Variants in NFIB observed in about 807,000 individuals in gnomAD.
The protein encoded by NFIB is nuclear factor I B, also known as nuclear factor 1 B-type.
A neutral mutation model predicts 61.5 loss-of-function variants in NFIB; 11 were observed. The observed-to-expected ratio is 0.18, with a 90% confidence interval of 0.11 to 0.30. The LOEUF is 0.30. Ranked by LOEUF, NFIB falls within the 10% of genes least tolerant of loss-of-function variation. The pLI is 1.00. For synonymous variants in NFIB, 260 were observed against 216.5 expected (o/e 1.20, Z -1.76); for missense variants, 471 against 608.9 (o/e 0.77, Z 2.38).
chr9:14,490,404 GA>G, the NFIB span, among the ~76,000 whole-genome samples: 1 of 152,020 alleles, frequency 6.6e-6, no homozygotes, highest in Non-Finnish European at 1.5e-5. Context: ...TCTCGAAGTA[GA>G]AAAACATTTC....
chr9:14,328,931 G>T (rs1238980660), intron 1 of NFIB, among the ~76,000 whole-genome samples: 1 of 152,126 alleles, frequency 6.6e-6, no homozygotes, highest in African/African-American at 2.4e-5. Flanking sequence ...GAAAAATCTA[G>T]ATATTTTGCT....
At chr9:14,185,024 GCTCTGTAATGCTTATTAAATT>G (rs1027600601) in intron 2 of NFIB, among the ~76,000 whole-genome samples, 2 of 152,054 alleles carry the variant, frequency 1.3e-5, no homozygotes. Context: ...CACAGTAGGT[GCTCTGTAATGCTTATTAAATT>G]TATATTTAAT....
intron 1 of NFIB, among the ~76,000 whole-genome samples, chr9:14,364,387 C>G (rs2061275777): frequency 6.6e-6 from 1 of 152,168 alleles, no homozygotes; most frequent in African/African-American, 2.4e-5. Context: ...GCCAACTGCC[C>G]AGACAGACAT....
chr9:14,262,795 T>C (rs760033803), intron 2 of NFIB, among the ~76,000 whole-genome samples: 6 of 152,160 alleles, frequency 3.9e-5, no homozygotes, highest in Non-Finnish European at 7.3e-5. Context: ...TGTTTGTTTG[T>C]TTTTTGTTGT....
In NFIB at chr9:14,152,446, A is replaced by G. The variant is rs968625504; in HGVS notation, c.686-2181T>C. On this transcript the variant is annotated intron_variant, in intron 4 of 10. Transcript: ENST00000380953. ...TTCTATATGACACTGGAAGTGGGGT[A>G]CATGCTAGAAGGAGTATTTCAGGGG... is the stretch of plus-strand genomic sequence containing the variant. 5.3e-5 allele frequency among the ~76,000 whole-genome samples: 8 copies of G among 152,256 alleles called. No individual in the cohort carries two copies. In the East Asian group the frequency reaches 9.6e-4, roughly 18 times the overall value.
At chr9:14,215,938 G>A (rs2050807918) in intron 2 of NFIB, among the ~76,000 whole-genome samples, 1 of 152,144 alleles carries the variant, frequency 6.6e-6, no homozygotes, top group Admixed American at 6.6e-5. Context: ...TAACTGAATT[G>A]CTTTATGTAA....
At chr9:14,170,524 C>G (rs2045453170) in intron 3 of NFIB, among the ~76,000 whole-genome samples, 1 of 152,146 alleles carries the variant, frequency 6.6e-6, no homozygotes, top group African/African-American at 2.4e-5. Flanking sequence ...TGCCTGTTGT[C>G]CCAGCTACTT....
chr9:14,214,310 C>G (rs1353757904), intron 2 of NFIB, among the ~76,000 whole-genome samples: 1 of 152,228 alleles, frequency 6.6e-6, no homozygotes, highest in Non-Finnish European at 1.5e-5. Context: ...TGGACCCATG[C>G]AGTCACATAG....
At chr9:14,327,468 A>T (rs903790934) in intron 1 of NFIB, among the ~76,000 whole-genome samples, 1 of 152,180 alleles carries the variant, frequency 6.6e-6, no homozygotes, top group Admixed American at 6.5e-5. Flanking sequence ...ATTCATTCCT[A>T]CTACAAACAC....
chr9:14,324,152 G>T (rs1317637487), intron 1 of NFIB, among the ~76,000 whole-genome samples: 1 of 152,150 alleles, frequency 6.6e-6, no homozygotes, highest in Non-Finnish European at 1.5e-5. Flanking sequence ...CCAAGTTATT[G>T]TAACCACTTA....
At chr9:14,389,301 G>A (rs2061592038) in intron 1 of NFIB, among the ~76,000 whole-genome samples, 1 of 151,932 alleles carries the variant, frequency 6.6e-6, no homozygotes, top group Admixed American at 6.6e-5. Flanking sequence ...TTAAGTTGTT[G>A]TTCATCCCTC....
At chr9:14,204,669 C>A in intron 2 of NFIB, 1 of 640,732 alleles carries the variant, frequency 1.6e-6, no homozygotes, top group Non-Finnish European at 2.8e-6. Context: ...GGAGTTAACA[C>A]CATCACCACC....
chr9:14,310,672 C>A (rs1175315317), intron 1 of NFIB, among the ~76,000 whole-genome samples: 1 of 152,070 alleles, frequency 6.6e-6, no homozygotes, highest in Non-Finnish European at 1.5e-5. Flanking sequence ...TAAAACCAAA[C>A]AACTGTATAC....
chr9:14,093,891 T>C (rs2034353777), intron 10 of NFIB, among the ~76,000 whole-genome samples: 1 of 152,108 alleles, frequency 6.6e-6, no homozygotes, highest in Non-Finnish European at 1.5e-5. Context: ...ATTTATGTAT[T>C]AGAACAAAGA....
At chr9:14,147,568 T>C (rs1209253665) in intron 5 of NFIB, among the ~76,000 whole-genome samples, 2 of 151,778 alleles carry the variant, frequency 1.3e-5, no homozygotes, top group Non-Finnish European at 2.9e-5. Context: ...AGATTATTGA[T>C]TCTTTATTCT....
chr9:14,088,176 A>G lies in NFIB; in HGVS notation c.*133T>C, dbSNP rs754988172. On this transcript the variant is annotated 3_prime_UTR_variant, in exon 11 of 11. Coordinates refer to ENST00000380953, the MANE Select transcript of NFIB (RefSeq NM_001190737.2). ...ATTTAAAAAAAAAATTTCTTAAACT[A>G]TTGTTGTGTTTCTTTTTCCCTCAGT... is the stretch of plus-strand genomic sequence containing the variant. The G allele has an allele frequency of 2.0e-5, 29 of 1,472,826 alleles. No individual in the cohort carries two copies. In the African/African-American group the frequency reaches 3.1e-4, roughly 16 times the overall value. 91.2% of individuals were successfully genotyped at this position (1,472,826 alleles called of 1,614,324 possible).
chr9:14,269,638 A>C (rs1389800245), intron 2 of NFIB, among the ~76,000 whole-genome samples: 1 of 152,218 alleles, frequency 6.6e-6, no homozygotes, highest in Non-Finnish European at 1.5e-5. Flanking sequence ...GTGAAAAAGA[A>C]AAGCATTCAT....
chr9:14,146,782 C>T lies in NFIB; in HGVS notation c.832G>A (p.Asp278Asn). 1 of 1,603,922 alleles carries T rather than the reference C, an allele frequency of 6.2e-7. No homozygotes were observed. The highest frequency in any genetic ancestry group is 8.5e-7 in the Non-Finnish European group (1 of 1,177,514). The change falls in exon 6 of 11, where the codon GAT (aspartate) becomes AAT (asparagine). Residue 278 changes from aspartate to asparagine, a missense_variant. By Grantham distance (23) the Asp-to-Asn change is conservative. This residue lies in a region of NFIB where 372 missense variants were observed against 395.6 expected (regional missense o/e 0.94). Coordinates refer to ENST00000380953, the MANE Select transcript of NFIB (RefSeq NM_001190737.2). ...SSKRPKTISIDENMEPSPTGD... is the reference protein window; with the variant it reads ...SSKRPKTISINENMEPSPTGD... The stretch of plus-strand genomic sequence containing the variant: ...GTAGGACTTGGTTCCATATTTTCAT[C>T]TATGGATATAGTTTTGGGTCTTTTG...
At chr9:14,496,794 C>T in the NFIB span, among the ~76,000 whole-genome samples, 11 of 152,228 alleles carry the variant, frequency 7.2e-5, no homozygotes, top group African/African-American at 7.2e-5. Flanking sequence ...CCAATAAACA[C>T]TGGCATGGAC....
Sources: allele counts gnomAD v4.1 joint callset (sites outside exome capture counted in the v4.1 genomes callset), GRCh38; gene constraint gnomAD v4.1.1; regional missense constraint gnomAD v4.1.1; transcripts MANE v1.5; gene names NCBI Gene and HGNC (gene_info 2026-07-23, HGNC 2026-07-21).